PCDH7: variants seen among roughly 807,000 people sequenced by gnomAD.
PCDH7 encodes protocadherin 7.
Under a neutral mutation model 58.9 loss-of-function variants are expected in PCDH7, and 17 were observed. That is an observed-to-expected ratio of 0.29 (90% CI 0.20 to 0.43). The LOEUF (loss-of-function observed/expected upper bound fraction) is 0.43, where lower values mean the gene tolerates loss of function less well. Among genes scored for constraint, PCDH7 ranks in the 20% least tolerant of loss-of-function variants. The probability of loss-of-function intolerance (pLI) is 1.00; values close to 1 mark genes in which losing one functional copy is unlikely to be tolerated. For synonymous variants in PCDH7, 664 were observed against 616.4 expected (o/e 1.08, Z -1.14); for missense variants, 1,274 against 1,441.0 (o/e 0.88, Z 1.88).
intron 3 of PCDH7, among the ~76,000 whole-genome samples, chr4:31,019,893 G>C: frequency 6.6e-6 from 1 of 151,912 alleles, no homozygotes; most frequent in Non-Finnish European, 1.5e-5. Context: ...TGGGGAGCTG[G>C]GGATATTGTT....
At chr4:30,738,050 G>C (rs73213179) in intron 1 of PCDH7, among the ~76,000 whole-genome samples, 6,160 of 152,176 alleles carry the variant, frequency 0.04, 303 homozygotes, top group African/African-American at 0.12. Context: ...CTCTGTGCCT[G>C]AGTGGAGAGA....
rs1443241398 is a variant in PCDH7, at chr4:30,935,791, G to A, written c.288-14329G>A. On this transcript the variant is annotated intron_variant, in intron 2 of 3. Coordinates refer to the PCDH7 transcript ENST00000509759. Reference sequence around the variant, plus strand: ...GCACCAATTCCTAGCCCTTATTCACGTCTCCATTTAAACTGCTAATTATGC... The same window carrying A: ...GCACCAATTCCTAGCCCTTATTCACATCTCCATTTAAACTGCTAATTATGC... Among the ~76,000 whole-genome samples the A allele has an allele frequency of 5.3e-5, 8 of 152,002 alleles. No individual in the cohort carries two copies. The East Asian group carries it at 7.7e-4, about 15-fold the overall frequency.
intron 3 of PCDH7, among the ~76,000 whole-genome samples, chr4:31,011,608 T>C (rs1056890060): frequency 6.6e-6 from 1 of 152,020 alleles, no homozygotes; most frequent in Non-Finnish European, 1.5e-5. Flanking sequence ...GTGGGACCCA[T>C]AGAATGAAAA....
intron 3 of PCDH7, among the ~76,000 whole-genome samples, chr4:31,020,099 A>G (rs1665516732): frequency 6.6e-6 from 1 of 152,152 alleles, no homozygotes; most frequent in Non-Finnish European, 1.5e-5. Context: ...AGTCCCATTG[A>G]TCCTGGACAC....
At chr4:30,907,706 T>C (rs1046824436) in intron 1 of PCDH7, among the ~76,000 whole-genome samples, 5 of 152,102 alleles carry the variant, frequency 3.3e-5, no homozygotes, top group African/African-American at 4.8e-5. Context: ...TCCTCAAGGA[T>C]CTGGAACTAG....
At chr4:31,054,855 C>A (rs1372664855) in intron 3 of PCDH7, among the ~76,000 whole-genome samples, 2 of 152,064 alleles carry the variant, frequency 1.3e-5, no homozygotes, top group Non-Finnish European at 2.9e-5. Flanking sequence ...TGAATATTTT[C>A]TTCACATAGC....
intron 1 of PCDH7, among the ~76,000 whole-genome samples, chr4:30,907,556 T>C (rs912459878): frequency 3.9e-5 from 6 of 152,222 alleles, no homozygotes; most frequent in Admixed American, 3.9e-4. Flanking sequence ...TGAGATACCA[T>C]CTCACACCAG....
intron 3 of PCDH7, among the ~76,000 whole-genome samples, chr4:31,023,385 C>T (rs1754181596): frequency 6.6e-6 from 1 of 152,136 alleles, no homozygotes; most frequent in Non-Finnish European, 1.5e-5. Context: ...TCTAAAGCTT[C>T]CCCTTCTAAA....
intron 3 of PCDH7, among the ~76,000 whole-genome samples, chr4:30,958,772 A>C (rs189673385): frequency 6.6e-6 from 1 of 152,156 alleles, no homozygotes; most frequent in African/African-American, 2.4e-5. Context: ...TCATTTCATA[A>C]ATAAACTATT....
chr4:30,774,340 A>C (rs1199593495), intron 1 of PCDH7, among the ~76,000 whole-genome samples: 2 of 152,074 alleles, frequency 1.3e-5, no homozygotes, highest in African/African-American at 2.4e-5. Context: ...ATGCCTCTTA[A>C]CTCTTAGGCC....
chr4:31,022,240 G>A (rs1322283010), intron 3 of PCDH7, among the ~76,000 whole-genome samples: 2 of 152,100 alleles, frequency 1.3e-5, no homozygotes, highest in African/African-American at 2.4e-5. Flanking sequence ...GTTTAATGTG[G>A]AAAACACCTC....
intron 3 of PCDH7, among the ~76,000 whole-genome samples, chr4:31,018,693 G>T (rs1462591368): frequency 6.6e-6 from 1 of 152,160 alleles, no homozygotes; most frequent in Non-Finnish European, 1.5e-5. Context: ...ACAATTTGCA[G>T]CATCTCATTT....
intron 2 of PCDH7, among the ~76,000 whole-genome samples, chr4:30,936,983 A>C (rs1277087562): frequency 6.6e-6 from 1 of 151,968 alleles, no homozygotes; most frequent in Non-Finnish European, 1.5e-5. Flanking sequence ...ACAGACATAC[A>C]CACACCTGCA....
rs1370543702 is a variant in PCDH7 at position 30,721,184 on chromosome 4, T to A, written c.-239T>A. 1 of 524,806 alleles carries A rather than the reference T, an allele frequency of 1.9e-6. No individual in the cohort carries two copies. Among genetic ancestry groups the A allele is most frequent in the South Asian group, 2.9e-5 (1 of 34,336 alleles). 32.5% of individuals were successfully genotyped at this position (524,806 alleles called of 1,614,324 possible). A position where few individuals can be genotyped will look rare whatever the true frequency, so the allele number is the denominator to read the frequency against. On this transcript the variant is annotated 5_prime_UTR_variant, in exon 1 of 2. The change abolishes an upstream ATG in the 5' untranslated region. Transcript: ENST00000361762. This position sits in a 1 kb window ranked among gnomAD's most constrained non-coding sequence, Gnocchi z 6.7. ...CGATTAGCACCCATTGCATGAATTA[T>A]GAAACAATAACTTTCGGAAGAAGCA...
chr4:31,063,831 T>A (rs1211936282), intron 3 of PCDH7, among the ~76,000 whole-genome samples: 1 of 151,908 alleles, frequency 6.6e-6, no homozygotes, highest in African/African-American at 2.4e-5. Context: ...TATTACAGCA[T>A]CTCAATGAGG....
At chr4:31,039,083 T>G (rs2109200728) in intron 3 of PCDH7, among the ~76,000 whole-genome samples, 1 of 152,284 alleles carries the variant, frequency 6.6e-6, no homozygotes, top group Non-Finnish European at 1.5e-5. Context: ...AATGAAATAA[T>G]TTCTGTAAGA....
intron 1 of PCDH7, among the ~76,000 whole-genome samples, chr4:30,865,099 G>A (rs1030857219): frequency 1.3e-5 from 2 of 151,916 alleles, no homozygotes; most frequent in African/African-American, 4.8e-5. Context: ...TTATTTTTAG[G>A]CATCTCAGGT....
chr4:30,897,448 A>G (rs1739598392), intron 1 of PCDH7, among the ~76,000 whole-genome samples: 2 of 152,186 alleles, frequency 1.3e-5, no homozygotes, highest in South Asian at 4.1e-4. Context: ...AGGTTTTCCT[A>G]AAGAAATTCC....
chr4:30,956,398 G>A (rs1747871582), intron 3 of PCDH7, among the ~76,000 whole-genome samples: 1 of 152,146 alleles, frequency 6.6e-6, no homozygotes. Context: ...GTTAGCCAAT[G>A]CTGTAGTGTT....
Sources: allele counts gnomAD v4.1 joint callset (sites outside exome capture counted in the v4.1 genomes callset), GRCh38; gene constraint gnomAD v4.1.1; non-coding constraint Gnocchi (gnomAD v3.1); transcripts MANE v1.5; gene names NCBI Gene and HGNC (gene_info 2026-07-23, HGNC 2026-07-21).